The following DENND4C variants were observed in gnomAD, a reference collection of about 807,000 sequenced individuals.
The protein encoded by DENND4C is DENN domain containing 4C.
DENND4C carries 108 observed loss-of-function variants against 203.0 expected under a neutral mutation model. That is an observed-to-expected ratio of 0.53 (90% CI 0.46 to 0.62). The LOEUF (loss-of-function observed/expected upper bound fraction) is 0.62, where lower values mean the gene tolerates loss of function less well. DENND4C is among the 20% of genes least tolerant of loss of function. The probability of loss-of-function intolerance (pLI) is 0.00; values close to 1 mark genes in which losing one functional copy is unlikely to be tolerated. For missense variants in DENND4C, 2,481 were observed against 2,301.2 expected, an observed-to-expected ratio of 1.08 and a Z score of -1.60; for synonymous variants, 871 against 792.4, an observed-to-expected ratio of 1.10 and a Z score of -1.67.
intron 2 of DENND4C, among the ~76,000 whole-genome samples, chr9:19,282,715 C>CTCTCTTT (rs758751945): frequency 1.2e-5 from 1 of 86,664 alleles, no homozygotes; most frequent in Middle Eastern, 8.1e-3. Context: ...TTTCTTCTCT[C>CTCTCTTT]TTTTTTTTTT....
chr9:19,357,246 CAT>C (rs746095583), intron 27 of DENND4C, 92 bp downstream of exon 27: 3 of 1,262,190 alleles, frequency 2.4e-6, no homozygotes, highest in Admixed American at 4.0e-5. Flanking sequence ...CTCATATAGG[CAT>C]AAGTTCTGGC....
chr9:19,350,675 T>G (rs371369176), intron 23 of DENND4C, 27 bp from the exon 24 acceptor site: 4 of 1,589,448 alleles, frequency 2.5e-6, no homozygotes, highest in Non-Finnish European at 3.4e-6. Flanking sequence ...TATTTATGTA[T>G]GTGGAATTTT....
intron 1 of DENND4C, among the ~76,000 whole-genome samples, chr9:19,275,924 A>C (rs1832821526): frequency 6.6e-6 from 1 of 152,126 alleles, no homozygotes; most frequent in Admixed American, 6.5e-5. Flanking sequence ...AATTATCCTT[A>C]ATAGAATATG....
At chr9:19,254,734 G>C (rs761203265) in intron 1 of DENND4C, among the ~76,000 whole-genome samples, 4 of 152,158 alleles carry the variant, frequency 2.6e-5, no homozygotes, top group African/African-American at 9.7e-5. Context: ...GTGTTAATTT[G>C]ACTGTGGTAG....
At chr9:19,349,054 C>T (rs1441561682) in intron 23 of DENND4C, among the ~76,000 whole-genome samples, 1 of 152,110 alleles carries the variant, frequency 6.6e-6, no homozygotes, top group Non-Finnish European at 1.5e-5. Flanking sequence ...GTTCCTAGGT[C>T]TCCCAAAGTG....
intron 26 of DENND4C, 80 bp downstream of exon 26, chr9:19,352,745 G>GAGCATACCAGGAATATT: frequency 8.5e-7 from 1 of 1,171,080 alleles, no homozygotes; most frequent in Non-Finnish European, 1.2e-6. Flanking sequence ...AATATTCCTG[G>GAGCATACCAGGAATATT]TATGCTCCAG....
At position 19,316,643 on chromosome 9, in the gene DENND4C, C is replaced by T; in HGVS notation, c.1611C>T (p.Gly537=). The change falls in exon 12 of 33, where the codon GGC becomes GGT. Residue 537 remains glycine, a synonymous_variant. Transcript: ENST00000434457. ...LSSVHQKTQE[G]SAIDMTPIEA... ...TAGTTCACCAAAAAACTCAAGAAGG[C>T]TCAGCGATTGACATGACTCCAATTG... The T allele has an allele frequency of 3.7e-6, 6 of 1,613,904 alleles. No individual in the cohort carries two copies. The highest frequency in any genetic ancestry group is 5.1e-6 in the Non-Finnish European group (6 of 1,179,946).
chr9:19,242,169 A>G (rs1005616938), intron 1 of DENND4C, among the ~76,000 whole-genome samples: 2 of 152,160 alleles, frequency 1.3e-5, no homozygotes, highest in Non-Finnish European at 2.9e-5. Context: ...AATTGAAATC[A>G]TATAGTATGT....
intron 29 of DENND4C, 40 bp from the exon 30 acceptor site, chr9:19,361,806 T>A: frequency 8.1e-7 from 1 of 1,231,798 alleles, no homozygotes; most frequent in Non-Finnish European, 1.2e-6. Context: ...TGGTAATTGT[T>A]ATTCTCGGGA....
intron 5 of DENND4C, chr9:19,292,493 T>G (rs1451996406): frequency 6.6e-6 from 1 of 151,832 alleles, no homozygotes; most frequent in Non-Finnish European, 1.5e-5. Context: ...TAAACAATAT[T>G]CAGTATAAAA....
intron 10 of DENND4C, among the ~76,000 whole-genome samples, chr9:19,310,974 A>G (rs1375192202): frequency 6.6e-6 from 1 of 152,128 alleles, no homozygotes; most frequent in Non-Finnish European, 1.5e-5. Context: ...TTCATAAATG[A>G]TATTGGCCTG....
intron 3 of DENND4C, among the ~76,000 whole-genome samples, chr9:19,288,261 TC>T (rs961177915): frequency 1.3e-5 from 2 of 152,212 alleles, no homozygotes; most frequent in Non-Finnish European, 2.9e-5. Flanking sequence ...CTCATAGTCC[TC>T]CAGTGACCCA....
rs145197314 is a variant in DENND4C, at chr9:19,368,257, ATT to A, written c.5525-1562_5525-1561del. ...TGTTATCATAACAGAGGACTTTGCTATTTTTTTTTTTTTTTTTTTCGGTTTAA... is the reference window on the plus strand; with the variant it reads ...TGTTATCATAACAGAGGACTTTGCTATTTTTTTTTTTTTTTTTCGGTTTAA... On this transcript the variant is annotated intron_variant, in intron 30 of 32. Coordinates refer to ENST00000434457, the MANE Select transcript of DENND4C (RefSeq NM_001330640.2). Among the ~76,000 whole-genome samples the A allele has an allele frequency of 9.4e-3, 1,041 of 110,724 alleles. 9 individuals are homozygous for A. The highest frequency in any genetic ancestry group is 0.026 in the African/African-American group (732 of 27,794). 72.6% of individuals were successfully genotyped at this position (110,724 alleles called of 152,430 possible).
At chr9:19,329,193 A>G (rs1050056634) in intron 16 of DENND4C, among the ~76,000 whole-genome samples, 22 of 152,312 alleles carry the variant, frequency 1.4e-4, no homozygotes, top group African/African-American at 5.3e-4. Context: ...CCCAAAAGAA[A>G]GTTTGCATCC....
rs1244495922 is a variant in DENND4C, at chr9:19,281,727, T to C, written c.306-5042T>C. Among the ~76,000 whole-genome samples the C allele has an allele frequency of 2.6e-5, 4 of 152,242 alleles. 1 individual carries two copies. The highest frequency in any genetic ancestry group is 7.2e-5 in the African/African-American group (3 of 41,456). On this transcript the variant is annotated intron_variant, in intron 2 of 32. Coordinates refer to ENST00000434457, the MANE Select transcript of DENND4C (RefSeq NM_001330640.2). ...AATGTGTTCTATGGCGATTTTGTCA[T>C]TGTGTGAACATCATAGAGTGTACAT...
chr9:19,290,292 A>G (rs1313902499), intron 4 of DENND4C, among the ~76,000 whole-genome samples: 1 of 152,112 alleles, frequency 6.6e-6, no homozygotes, highest in Non-Finnish European at 1.5e-5. Context: ...GGCTGTGATA[A>G]TTTCTGTTGC....
chr9:19,326,233 A>G (rs773139384), intron 15 of DENND4C, 39 bp downstream of exon 15: 4 of 1,564,604 alleles, frequency 2.6e-6, no homozygotes, highest in East Asian at 2.2e-5. Flanking sequence ...GGCACAGCCT[A>G]TCAGTTTCTT....
In DENND4C at chr9:19,332,288, T is replaced by G. The variant is rs191138687; in HGVS notation, c.2460+104T>G. The G allele has an allele frequency of 1.9e-5, 17 of 877,786 alleles. No individual in the cohort carries two copies. The East Asian group carries it at 4.3e-4, about 22-fold the overall frequency. The allele number at this position is 877,786 out of a possible 1,614,324, so 54.4% of individuals were successfully genotyped here. Reference sequence around the variant, plus strand: ...TTAAAGTGTGCTCAAGCATTTTCATTAAGCAGGAAAGGTAAAACTATTACT... The same window carrying G: ...TTAAAGTGTGCTCAAGCATTTTCATGAAGCAGGAAAGGTAAAACTATTACT... On this transcript the variant is annotated intron_variant, in intron 17 of 32. Transcript: ENST00000434457.
At chr9:19,277,972 A>C (rs939926495) in intron 2 of DENND4C, among the ~76,000 whole-genome samples, 5 of 151,606 alleles carry the variant, frequency 3.3e-5, no homozygotes, top group Non-Finnish European at 7.4e-5. Context: ...CTTTTGTTGA[A>C]TCTTTCTTTT....
Sources: gnomAD v4.1 joint callset for allele counts (sites outside exome capture counted in the v4.1 genomes callset) on GRCh38, gnomAD v4.1.1 for gene constraint, MANE v1.5 for transcripts, NCBI Gene and HGNC (gene_info 2026-07-23, HGNC 2026-07-21) for gene names.